Variants in CWH43 observed in about 807,000 individuals in gnomAD.
CWH43 encodes the protein PGAP2-interacting protein.
A neutral mutation model predicts 85.7 loss-of-function variants in CWH43; 91 were observed. The observed-to-expected ratio is 1.06, with a 90% CI of 0.90 to 1.26. The LOEUF (loss-of-function observed/expected upper bound fraction) is 1.26, where lower values mean the gene tolerates loss of function less well. Ranked by LOEUF, CWH43 falls within the 50% of genes most tolerant of loss-of-function variation. CWH43 has a pLI of 0.00. For missense variants in CWH43, 869 were observed against 839.2 expected (o/e 1.04, Z -0.44); for synonymous variants, 323 against 293.6 (o/e 1.10, Z -1.02).
chr4:49,004,888 C>G (rs1173037347), intron 7 of CWH43, among the ~76,000 whole-genome samples: 1 of 152,020 alleles, frequency 6.6e-6, no homozygotes, highest in Non-Finnish European at 1.5e-5. Context: ...ATTTCATAAA[C>G]TTAGTTCAAT....
chr4:49,028,645 T>C lies in CWH43; in HGVS notation c.1283T>C (p.Val428Ala). 1 of 1,613,232 alleles carries C rather than the reference T, an allele frequency of 6.2e-7. No homozygotes were observed. Among genetic ancestry groups the C allele is most frequent in the Non-Finnish European group, 8.5e-7 (1 of 1,179,538 alleles). The change falls in exon 10 of 16, where the codon GTC becomes GCC. Residue 428 changes from valine to alanine, a missense_variant. Around this residue, in one of 3 missense-constraint regions of CWH43, gnomAD observed 577 missense variants for 513.1 expected, o/e 1.12. Coordinates refer to ENST00000226432, the MANE Select transcript of CWH43 (RefSeq NM_025087.3). ...ATTCCTCAGGCACCAACCAAAGAGG[T>C]CTCTGCTGCCATCTGGCCTTTCAGG... ...KLGKVAPTKEVSAAIWPFRFG... is the reference protein window; with the variant it reads ...KLGKVAPTKEASAAIWPFRFG...
intron 8 of CWH43, among the ~76,000 whole-genome samples, chr4:49,015,466 C>G (rs550879758): frequency 3.3e-5 from 5 of 152,140 alleles, no homozygotes; most frequent in Admixed American, 6.5e-5. Context: ...TTTGGCAGCT[C>G]TTAAGATTTT....
Position 49,032,729 on chromosome 4 carries a change from G to A in CWH43, c.1658+14G>A, listed in dbSNP as rs1320548304. On this transcript the variant is annotated intron_variant, in intron 12 of 15. Transcript: ENST00000226432. ...TGGGAACCACGAGTGGGTTTCTTTGGCCCACCTAATATTACACAAATGCCA... is the reference window on the plus strand; with the variant it reads ...TGGGAACCACGAGTGGGTTTCTTTGACCCACCTAATATTACACAAATGCCA... The A allele has an allele frequency of 1.2e-6, 2 of 1,613,636 alleles. No individual in the cohort carries two copies. The highest frequency in any genetic ancestry group is 1.7e-6 in the Non-Finnish European group (2 of 1,179,626).
chr4:49,038,779 C>A (rs1165737712), intron 13 of CWH43, among the ~76,000 whole-genome samples: 2 of 152,124 alleles, frequency 1.3e-5, no homozygotes, highest in African/African-American at 4.8e-5. Flanking sequence ...AATTATGGGG[C>A]TGGGTGCGGT....
At chr4:49,015,167 A>C (rs1276471383) in intron 8 of CWH43, among the ~76,000 whole-genome samples, 5 of 151,846 alleles carry the variant, frequency 3.3e-5, no homozygotes, top group Middle Eastern at 3.2e-3. Flanking sequence ...ATGTATATTT[A>C]TCTAATGTGA....
In CWH43 at chr4:49,038,127, T is replaced by G. The variant is rs758555851; in HGVS notation, c.1750T>G (p.Ser584Ala). Residue 584 changes from serine (S) to alanine (A), a missense_variant, in exon 13 of 16, where the codon TCA becomes GCA. Physicochemically the swap from Ser to Ala is moderately conservative, Grantham distance 99. This residue lies in a region of CWH43 where 577 missense variants were observed against 513.1 expected (regional missense o/e 1.12). Transcript: ENST00000226432. Reference protein sequence around the residue: ...NQVIFLGYITSAPGSRDYLQL... With the variant: ...NQVIFLGYITAAPGSRDYLQL... ...AGTGATATTTCTGGGATATATCACTTCAGCACCTGGCTCCAGAGATTATCT... is the reference window on the plus strand; with the variant it reads ...AGTGATATTTCTGGGATATATCACTGCAGCACCTGGCTCCAGAGATTATCT... 6.2e-7 allele frequency: 1 copy of G among 1,612,020 alleles called. No homozygotes were observed. The highest frequency in any genetic ancestry group is 1.1e-5 in the South Asian group (1 of 90,628).
chr4:49,048,641 C>T (rs538158235), intron 14 of CWH43, among the ~76,000 whole-genome samples: 1 of 152,020 alleles, frequency 6.6e-6, no homozygotes, highest in African/African-American at 2.4e-5. Context: ...TGGGTTGTGC[C>T]TGCAGAGAGA....
At chr4:49,047,838 G>A (rs1784675182) in intron 14 of CWH43, among the ~76,000 whole-genome samples, 2 of 152,162 alleles carry the variant, frequency 1.3e-5, no homozygotes, top group East Asian at 3.9e-4. Flanking sequence ...ACTCCATGGA[G>A]CCATATGCTT....
intron 2 of CWH43, among the ~76,000 whole-genome samples, chr4:48,990,209 T>C (rs1007617744): frequency 1.3e-5 from 2 of 152,214 alleles, no homozygotes; most frequent in African/African-American, 4.8e-5. Context: ...TGCTTCCTAT[T>C]CCCTTTTCAC....
At chr4:49,017,668 G>T (rs1248369562) in intron 9 of CWH43, among the ~76,000 whole-genome samples, 1 of 152,104 alleles carries the variant, frequency 6.6e-6, no homozygotes, top group East Asian at 1.9e-4. Flanking sequence ...TTATAAAGAA[G>T]AATTTTAATT....
In CWH43 at chr4:49,007,203, A is replaced by G. The variant is rs146581575; in HGVS notation, c.1063A>G (p.Thr355Ala). Residue 355 changes from threonine (T) to alanine (A), a missense_variant and splice_region_variant, in exon 8 of 16, where the codon ACA becomes GCA. Transcript: ENST00000226432. ...ARERSDVLLG[T>A]MMLIIGLNML... Reference sequence around the variant, plus strand: ...ATTCTTTCTTTCTCTTATAACAGGGACAATGATGTTAATTATCGGGCTGAA... The same window carrying G: ...ATTCTTTCTTTCTCTTATAACAGGGGCAATGATGTTAATTATCGGGCTGAA... 12 of 1,607,122 alleles carry G rather than the reference A, an allele frequency of 7.5e-6. No individual in the cohort carries two copies. The African/African-American group carries it at 1.2e-4, about 16-fold the overall frequency.
intron 9 of CWH43, among the ~76,000 whole-genome samples, chr4:49,026,756 T>C (rs1783929455): frequency 6.6e-6 from 1 of 152,198 alleles, no homozygotes; most frequent in East Asian, 1.9e-4. Flanking sequence ...ATGGTGTACA[T>C]ATATACTACA....
At position 49,050,867 on chromosome 4, in the gene CWH43, G is replaced by A; in HGVS notation, c.2021+18G>A. ...AATCCCAGGTGAGTTCCTTTATGCT[G>A]TAGTTCCAGTTATGAGCTACTGCAT... On this transcript the variant is annotated intron_variant, in intron 15 of 15. Coordinates refer to ENST00000226432, the MANE Select transcript of CWH43 (RefSeq NM_025087.3). 6 of 1,592,782 alleles carry A rather than the reference G, an allele frequency of 3.8e-6. No individual in the cohort carries two copies. The highest frequency in any genetic ancestry group is 5.1e-6 in the Non-Finnish European group (6 of 1,166,340).
chr4:49,030,865 G>A lies in CWH43; in HGVS notation c.1413G>A (p.Lys471=). ...CAATTTTGGAGAGTGATGCTTCTAA[G>A]CCCTATATGGGGAACAATGACTTAA... is the stretch of plus-strand genomic sequence containing the variant. The part of the protein sequence containing the change: ...FITILESDAS[K]PYMGNNDLTM... The change falls in exon 11 of 16, where the codon AAG becomes AAA. Residue 471 remains lysine, a synonymous_variant. Coordinates refer to ENST00000226432, the MANE Select transcript of CWH43 (RefSeq NM_025087.3). 6.2e-7 allele frequency: 1 copy of A among 1,605,500 alleles called. No individual in the cohort carries two copies. The highest frequency in any genetic ancestry group is 8.5e-7 in the Non-Finnish European group (1 of 1,177,190).
chr4:48,998,490 A>C lies in CWH43; in HGVS notation c.744A>C (p.Gly248=). ...CAGTACTGCTGTGCTTGGCAAGTGG[A>C]TTGATGCTTCCATCTTGTTTGTGGT... ...GGAVLLCLAS[G]LMLPSCLWFR... The change falls in exon 6 of 16, where the codon GGA becomes GGC. Residue 248 remains glycine (G), a synonymous_variant. Coordinates refer to ENST00000226432, the MANE Select transcript of CWH43 (RefSeq NM_025087.3). The C allele has an allele frequency of 6.2e-7, 1 of 1,613,906 alleles. No individual in the cohort carries two copies. Among genetic ancestry groups the C allele is most frequent in the Non-Finnish European group, 8.5e-7 (1 of 1,179,868 alleles).
intron 6 of CWH43, among the ~76,000 whole-genome samples, chr4:49,002,742 T>A (rs1303137764): frequency 2.0e-5 from 3 of 152,106 alleles, no homozygotes; most frequent in African/African-American, 7.2e-5. Flanking sequence ...GAGATGTTCT[T>A]TTTGAAGTGG....
chr4:49,035,512 A>G (rs1349037845), intron 12 of CWH43, among the ~76,000 whole-genome samples: 1 of 152,226 alleles, frequency 6.6e-6, no homozygotes, highest in Non-Finnish European at 1.5e-5. Flanking sequence ...ACTATGTGAC[A>G]CAGAACCTAT....
rs1784139672 is a variant in CWH43, at chr4:49,032,731, C to T, written c.1658+16C>T. 3 of 1,613,538 alleles carry T rather than the reference C, an allele frequency of 1.9e-6. No homozygotes were observed. Among genetic ancestry groups the T allele is most frequent in the Non-Finnish European group, 2.5e-6 (3 of 1,179,552 alleles). ...GGAACCACGAGTGGGTTTCTTTGGC[C>T]CACCTAATATTACACAAATGCCAAG... On this transcript the variant is annotated intron_variant, in intron 12 of 15. Transcript: ENST00000226432.
chr4:48,988,108 A>G (rs1409935396), intron 1 of CWH43, among the ~76,000 whole-genome samples: 1 of 152,202 alleles, frequency 6.6e-6, no homozygotes, highest in African/African-American at 2.4e-5. Flanking sequence ...GCCATCCTCT[A>G]CTGGGGCCTG....
Sources: gnomAD v4.1 joint callset for allele counts (sites outside exome capture counted in the v4.1 genomes callset) on GRCh38, gnomAD v4.1.1 for gene constraint, gnomAD v4.1.1 regional missense constraint, MANE v1.5 for transcripts, NCBI Gene and HGNC (gene_info 2026-07-23, HGNC 2026-07-21) for gene names.